The following TNRC18 variants were observed in gnomAD, a reference collection of about 807,000 sequenced individuals.
TNRC18 encodes trinucleotide repeat containing 18.
TNRC18 carries 69 observed loss-of-function variants against 226.7 expected under a neutral mutation model. That is an observed-to-expected ratio of 0.30 (90% CI 0.25 to 0.37). TNRC18 has a LOEUF of 0.37. Ranked by LOEUF, TNRC18 falls within the 10% of genes least tolerant of loss-of-function variation. TNRC18 has a pLI of 1.00. For synonymous variants in TNRC18, 2,449 were observed against 1,927.6 expected, an observed-to-expected ratio of 1.27 and a Z score of -7.09; for missense variants, 4,754 against 4,256.6, an observed-to-expected ratio of 1.12 and a Z score of -3.25.
rs1786690417 is a variant in TNRC18, at chr7:5,307,719, G to GCCCCTCCCCACCGAATCC, written c.*369_*386dup. 1 of 335,260 alleles carries GCCCCTCCCCACCGAATCC rather than the reference G, an allele frequency of 3.0e-6. No individual in the cohort carries two copies. The highest frequency in any genetic ancestry group is 8.3e-5 in the East Asian group (1 of 12,034). 20.8% of individuals were successfully genotyped at this position (335,260 alleles called of 1,614,324 possible). On this transcript the variant is annotated 3_prime_UTR_variant, in exon 30 of 30. Transcript: ENST00000430969. Reference sequence around the variant, plus strand: ...AGCGTCAGTTTGGTTCCTTAGAAGCGCCCCTCCCCACCGAATCCCCAGTCT... The same window carrying GCCCCTCCCCACCGAATCC: ...AGCGTCAGTTTGGTTCCTTAGAAGCGCCCCTCCCCACCGAATCCCCCCTCCCCACCGAATCCCCAGTCT...
chr7:5,394,496 G>C lies in TNRC18; in HGVS notation c.287C>G (p.Ser96Cys), dbSNP rs753725357. The C allele has an allele frequency of 3.2e-6, 5 of 1,561,926 alleles. No individual in the cohort carries two copies. The highest frequency in any genetic ancestry group is 4.3e-6 in the Non-Finnish European group (5 of 1,154,660). ...CATGGGCAGGTTGCTAGGGGTTGGG[G>C]AGCGGAAAGACAGGTCAGAGGGCAG... ...VPLPSDLSFR[S>C]PTPSNLPMVQ... Residue 96 changes from serine (S) to cysteine (C), a missense_variant, in exon 3 of 30, where the codon TCC (serine) becomes TGC (cysteine). Transcript: ENST00000430969. This position sits in a 1 kb window ranked among gnomAD's most constrained non-coding sequence, Gnocchi z 4.5.
Position 5,312,509 on chromosome 7 carries a change from G to T in TNRC18, c.8382C>A (p.Pro2794=). Reference sequence around the variant, plus strand: ...CGGGCGCGAGCTTGCTCACCTGGGTGGGCTTGCCGAACCACTTCCAGAGCT... The same window carrying T: ...CGGGCGCGAGCTTGCTCACCTGGGTTGGCTTGCCGAACCACTTCCAGAGCT... ...ARQLWKWFGK[P]TQRRGMKGKA... Residue 2794 remains proline (P), a synonymous_variant, in exon 27 of 30, where the codon CCC becomes CCA. Transcript: ENST00000430969. This position sits in a 1 kb window ranked among gnomAD's most constrained non-coding sequence, Gnocchi z 6.3. 6.2e-7 allele frequency: 1 copy of T among 1,610,710 alleles called. No individual in the cohort carries two copies. The highest frequency in any genetic ancestry group is 8.5e-7 in the Non-Finnish European group (1 of 1,179,238).
rs1426168667 is a variant in TNRC18 at position 5,388,581 on chromosome 7, C to A, written c.1243G>T (p.Gly415Cys). 7.7e-6 allele frequency: 10 copies of A among 1,299,496 alleles called. No homozygotes were observed. The highest frequency in any genetic ancestry group is 8.8e-6 in the Non-Finnish European group (9 of 1,025,098). 80.5% of individuals were successfully genotyped at this position (1,299,496 alleles called of 1,614,324 possible). Residue 415 changes from glycine (G) to cysteine (C), a missense_variant, in exon 5 of 30, where the codon GGC becomes TGC. Physicochemically the swap from Gly to Cys is radical, Grantham distance 159. Coordinates refer to ENST00000430969, the MANE Select transcript of TNRC18 (RefSeq NM_001080495.3). ...GRPGVLQAPP[G>C]SPRPLDRPEG... Reference sequence around the variant, plus strand: ...GGCCGGTCCAGAGGCCGCGGGGAGCCGGGGGGCGCCTGCAGGACCCCTGGC... The same window carrying A: ...GGCCGGTCCAGAGGCCGCGGGGAGCAGGGGGGCGCCTGCAGGACCCCTGGC...
chr7:5,366,561 T>G (rs1793646213), intron 11 of TNRC18, among the ~76,000 whole-genome samples: 1 of 152,088 alleles, frequency 6.6e-6, no homozygotes, highest in Non-Finnish European at 1.5e-5. Context: ...TGACCTCAAG[T>G]GATCCGCCTG....
intron 2 of TNRC18, among the ~76,000 whole-genome samples, chr7:5,403,678 G>T (rs1041108670): frequency 2.6e-5 from 4 of 151,994 alleles, no homozygotes; most frequent in African/African-American, 9.7e-5. Flanking sequence ...TGTAGTCCCA[G>T]CTACGTGGGA....
At chr7:5,367,402 T>C (rs926024571) in intron 11 of TNRC18, among the ~76,000 whole-genome samples, 2 of 151,386 alleles carry the variant, frequency 1.3e-5, no homozygotes, top group Non-Finnish European at 2.9e-5. Context: ...CAGTACCAGG[T>C]GGGAAGACCA....
chr7:5,357,004 G>A lies in TNRC18; in HGVS notation c.5106C>T (p.Thr1702=). 3 of 1,552,326 alleles carry A rather than the reference G, an allele frequency of 1.9e-6. No homozygotes were observed. Among genetic ancestry groups the A allele is most frequent in the Non-Finnish European group, 2.6e-6 (3 of 1,147,130 alleles). The part of the protein sequence containing the change: ...REGKHKRAAK[T]RKMEVGFKAR... ...CCTTGAACCCCACCTCCATCTTCCT[G>A]GTTTTGGCTGCCCTTTTGTGTTTAC... Residue 1702 remains threonine (T), a synonymous_variant, in exon 16 of 30, where the codon ACC becomes ACT. Transcript: ENST00000430969.
At chr7:5,420,400 G>A (rs1329286921) in intron 2 of TNRC18, 1 of 456,180 alleles carries the variant, frequency 2.2e-6, no homozygotes, top group Admixed American at 2.3e-5. Flanking sequence ...TTTCGCGCTG[G>A]AAAACAAGGG....
At chr7:5,374,556 TCCC>T (rs1178284845) in intron 9 of TNRC18, 72 bp from the exon 10 acceptor site, 1 of 1,457,566 alleles carries the variant, frequency 6.9e-7, no homozygotes, top group Non-Finnish European at 9.1e-7. Context: ...ACCTGCCCTG[TCCC>T]CCCAAGGGTC....
In TNRC18 at chr7:5,357,776, G is replaced by T. The variant is rs952667583; in HGVS notation, c.4834-500C>A. On this transcript the variant is annotated intron_variant, in intron 15 of 29. Transcript: ENST00000430969. ...ACTGTTGGGATTCCAGGCTGACCAC[G>T]ACTGGCCAGCTTCAATGTGTAACTC... 3.7e-4 allele frequency among the ~76,000 whole-genome samples: 56 copies of T among 152,260 alleles called. 1 individual carries two copies. The highest frequency in any genetic ancestry group is 1.3e-3 in the African/African-American group (54 of 41,550).
At chr7:5,389,461 G>GTTTTTTTGTGTTTTTTTTGTTTTT (rs1554297477) in intron 4 of TNRC18, 125 bp from the exon 5 acceptor site, 5 of 565,558 alleles carry the variant, frequency 8.8e-6, no homozygotes, top group African/African-American at 2.7e-5. Flanking sequence ...TTTGGTTTTG[G>GTTTTTTTGTGTTTTTTTTGTTTTT]TTTTTTTTTT....
chr7:5,327,394 T>C (rs1562497305), intron 19 of TNRC18, among the ~76,000 whole-genome samples: 2 of 147,524 alleles, frequency 1.4e-5, no homozygotes, highest in African/African-American at 4.9e-5. Flanking sequence ...TGTGTGTGTG[T>C]GTGTGTGTGT....
chr7:5,423,318 CCA>C (rs1782686112), intron 1 of TNRC18, 121 bp downstream of exon 1: 1 of 151,762 alleles, frequency 6.6e-6, no homozygotes, highest in African/African-American at 2.4e-5. Context: ...CAATCCGGAG[CCA>C]GACAGTAGCG....
intron 5 of TNRC18, among the ~76,000 whole-genome samples, chr7:5,386,297 C>CA (rs974115780): frequency 1.4e-4 from 20 of 146,846 alleles, no homozygotes; most frequent in Admixed American, 3.4e-4. Context: ...CAAAAAACAA[C>CA]AAAAAAAAAG....
intron 5 of TNRC18, among the ~76,000 whole-genome samples, chr7:5,382,910 G>A (rs1036536900): frequency 6.6e-6 from 1 of 151,026 alleles, no homozygotes; most frequent in South Asian, 2.1e-4. Flanking sequence ...TTCTATTTTT[G>A]GGGTGGGGGC....
rs149112705 is a variant in TNRC18 at position 5,356,399 on chromosome 7, G to A, written c.5194+517C>T. ...ACGCCAATGAACCCCTGCATCCATA[G>A]CCGAGCACGGTGGGCGCTCCATAAA... is the stretch of plus-strand genomic sequence containing the variant. On this transcript the variant is annotated intron_variant, in intron 16 of 29. Transcript: ENST00000430969. 1.7e-4 allele frequency among the ~76,000 whole-genome samples: 26 copies of A among 152,286 alleles called. No individual in the cohort carries two copies. The East Asian group carries it at 5.0e-3, about 30-fold the overall frequency.
chr7:5,345,498 G>T (rs1583850990), intron 18 of TNRC18, 64 bp downstream of exon 18: 4 of 1,378,544 alleles, frequency 2.9e-6, no homozygotes, highest in South Asian at 2.9e-5. Context: ...CTCACCTGTG[G>T]GATGGGGCAA....
intron 2 of TNRC18, among the ~76,000 whole-genome samples, chr7:5,395,589 G>T (rs999495883): frequency 6.6e-6 from 1 of 152,230 alleles, no homozygotes; most frequent in African/African-American, 2.4e-5. Flanking sequence ...GCAGGCCCTG[G>T]CGCACGGGGC....
intron 18 of TNRC18, 36 bp downstream of exon 18, chr7:5,345,526 A>ACCCCCCCCCAC: frequency 5.6e-6 from 1 of 177,498 alleles, no homozygotes; most frequent in Non-Finnish European, 1.1e-5. Flanking sequence ...CGCCCCTCCC[A>ACCCCCCCCCAC]CCCACCCCCA....
Sources: allele counts gnomAD v4.1 joint callset (sites outside exome capture counted in the v4.1 genomes callset), GRCh38; gene constraint gnomAD v4.1.1; non-coding constraint Gnocchi (gnomAD v3.1); transcripts MANE v1.5; gene names NCBI Gene and HGNC (gene_info 2026-07-23, HGNC 2026-07-21).